Variants in SAMHD1 observed in about 807,000 individuals in gnomAD.
SAMHD1 encodes the protein SAM and HD domain containing deoxynucleoside triphosphate triphosphohydrolase 1.
SAMHD1 carries 54 observed loss-of-function variants against 79.6 expected under a neutral mutation model. The ratio of observed to expected loss-of-function variants is 0.68; its 90% CI spans 0.55 to 0.85. The LOEUF (loss-of-function observed/expected upper bound fraction) is 0.85. Ranked by LOEUF, SAMHD1 falls within the 40% of genes least tolerant of loss-of-function variation. SAMHD1 has a pLI of 0.00. For missense variants in SAMHD1, 663 were observed against 782.7 expected, an observed-to-expected ratio of 0.85 and a Z score of 1.82; for synonymous variants, 260 against 264.1, an observed-to-expected ratio of 0.98 and a Z score of 0.15.
At chr20:36,946,938 A>T (rs1396342750) in intron 1 of SAMHD1, 134 bp from the exon 2 acceptor site, 1 of 607,170 alleles carries the variant, frequency 1.6e-6, no homozygotes, top group Non-Finnish European at 2.9e-6. Flanking sequence ...GCCAAGTACC[A>T]CTTTTTTGAT....
chr20:36,902,544 C>T (rs995752875), intron 13 of SAMHD1, among the ~76,000 whole-genome samples: 5 of 152,076 alleles, frequency 3.3e-5, no homozygotes, highest in African/African-American at 7.2e-5. Flanking sequence ...AGCTTAGTTT[C>T]GTGACCGGAA....
chr20:36,947,870 T>C (rs143433603), intron 1 of SAMHD1, among the ~76,000 whole-genome samples: 24 of 152,196 alleles, frequency 1.6e-4, no homozygotes, highest in Admixed American at 8.5e-4. Flanking sequence ...TGAGGTCTCC[T>C]GATGTTGCCC....
chr20:36,902,508 A>C (rs1377973124), intron 13 of SAMHD1, among the ~76,000 whole-genome samples: 2 of 152,088 alleles, frequency 1.3e-5, no homozygotes, highest in Non-Finnish European at 2.9e-5. Flanking sequence ...GACTGGGAGA[A>C]TCACACTAAG....
intron 9 of SAMHD1, among the ~76,000 whole-genome samples, chr20:36,913,489 G>A: frequency 6.6e-6 from 1 of 151,216 alleles, no homozygotes; most frequent in East Asian, 2.1e-4. Context: ...TGTAATCCCA[G>A]CTACTAGGGA....
chr20:36,899,558 G>A (rs775628919), intron 13 of SAMHD1, among the ~76,000 whole-genome samples: 16 of 152,216 alleles, frequency 1.1e-4, no homozygotes, highest in Non-Finnish European at 1.9e-4. Context: ...GTTCTAACAG[G>A]TTACCTGATG....
intron 2 of SAMHD1, among the ~76,000 whole-genome samples, chr20:36,943,682 T>C (rs1466808354): frequency 1.3e-5 from 2 of 152,136 alleles, no homozygotes; most frequent in Middle Eastern, 3.2e-3. Context: ...AGAAAGACTG[T>C]ATTAGAACAA....
In SAMHD1 at chr20:36,951,632, G is replaced by T. The variant is rs1356766255; in HGVS notation, c.12C>A (p.Ala4=). ...GACGCTTGGAGGGCTGCTCGGAATC[G>T]GCTCGCTGCATGGCTACACCTGGCG... MQR[A]DSEQPSKRPR... is the part of the protein sequence containing the mutation. The change falls in exon 1 of 16, where the codon GCC becomes GCA. Residue 4 remains alanine (A), a synonymous_variant. Transcript: ENST00000646673. The T allele has an allele frequency of 6.2e-7, 1 of 1,613,728 alleles. No individual in the cohort carries two copies. Among genetic ancestry groups the T allele is most frequent in the Non-Finnish European group, 8.5e-7 (1 of 1,179,984 alleles).
intron 11 of SAMHD1, among the ~76,000 whole-genome samples, chr20:36,909,925 TA>T (rs1463791129): frequency 1.3e-5 from 2 of 151,540 alleles, no homozygotes; most frequent in East Asian, 3.9e-4. Context: ...CTACAAAAAT[TA>T]AAAAAATTAC....
Position 36,911,315 on chromosome 20 carries a change from G to T in SAMHD1, c.1173C>A (p.Leu391=). 6.2e-7 allele frequency: 1 copy of T among 1,609,832 alleles called. No individual in the cohort carries two copies. The part of the protein sequence containing the change: ...IIDTMITDAF[L]KADDYIEITG... ...TAATCTCTATGTAGTCATCTGCTTT[G>T]AGGAAAGCATCTGTAATCCTAAAAA... The change falls in exon 11 of 16, where the codon CTC becomes CTA. Residue 391 remains leucine, a synonymous_variant. Coordinates refer to ENST00000646673, the MANE Select transcript of SAMHD1 (RefSeq NM_015474.4).
At chr20:36,945,938 C>A (rs1040303728) in intron 2 of SAMHD1, among the ~76,000 whole-genome samples, 1 of 151,584 alleles carries the variant, frequency 6.6e-6, no homozygotes, top group Admixed American at 6.6e-5. Context: ...TAAAAATAAA[C>A]TAAAATAGGA....
At chr20:36,916,693 T>C (rs1026601122) in intron 9 of SAMHD1, 29 bp downstream of exon 9, 28 of 1,477,380 alleles carry the variant, frequency 1.9e-5, no homozygotes, top group Non-Finnish European at 2.6e-5. Context: ...AACAACATTC[T>C]TCTTATTGCC....
At chr20:36,920,910 C>T (rs546293507) in intron 6 of SAMHD1, among the ~76,000 whole-genome samples, 1 of 151,174 alleles carries the variant, frequency 6.6e-6, no homozygotes, top group African/African-American at 2.4e-5. Flanking sequence ...CAAAGCAAGA[C>T]CCTGTCTCTA....
At chr20:36,920,495 G>C (rs566487305) in intron 6 of SAMHD1, among the ~76,000 whole-genome samples, 7 of 151,782 alleles carry the variant, frequency 4.6e-5, no homozygotes, top group African/African-American at 1.2e-4. Flanking sequence ...GCCTGGGTGC[G>C]GTGGCTCACA....
At chr20:36,947,563 TGTGTGTGTGTG>T (rs2063701814) in intron 1 of SAMHD1, among the ~76,000 whole-genome samples, 1 of 72,992 alleles carries the variant, frequency 1.4e-5, no homozygotes, top group Non-Finnish European at 3.3e-5. Flanking sequence ...TGTGTGTGTG[TGTGTGTGTGTG>T]TGTGTGTGTG....
intron 1 of SAMHD1, chr20:36,947,207 T>C (rs949706919): frequency 1.2e-5 from 3 of 246,082 alleles, no homozygotes; most frequent in African/African-American, 7.0e-5. Flanking sequence ...CTAAGTCTAT[T>C]GTTCTTAGAA....
At position 36,941,108 on chromosome 20, in the gene SAMHD1, G is replaced by A. The variant is rs1352911498; in HGVS notation, c.279C>T (p.Ser93=). The part of the protein sequence containing the change: ...ESRFENLGVS[S]LGERKKLLSY... ...TAAGCAGCTTCTTCCTCTCCCCCAA[G>A]GAACTAAAATTACAATAGGATAAGC... The change falls in exon 3 of 16, where the codon TCC becomes TCT. Residue 93 remains serine (S), a synonymous_variant. Coordinates refer to ENST00000646673, the MANE Select transcript of SAMHD1 (RefSeq NM_015474.4). The A allele has an allele frequency of 1.9e-6, 3 of 1,609,704 alleles. No homozygotes were observed. Among genetic ancestry groups the A allele is most frequent in the South Asian group, 1.1e-5 (1 of 91,000 alleles).
intron 6 of SAMHD1, among the ~76,000 whole-genome samples, 195 bp from the exon 7 acceptor site, chr20:36,919,714 C>T (rs573886861): frequency 6.6e-6 from 1 of 152,106 alleles, no homozygotes; most frequent in African/African-American, 2.4e-5. Flanking sequence ...AGTCTACAAA[C>T]CTTTTACAAA....
rs937509201 is a variant in SAMHD1, at chr20:36,951,673, A to T, written c.-30T>A. On this transcript the variant is annotated 5_prime_UTR_variant, in exon 1 of 16. Transcript: ENST00000646673. ...ACACCTGGCGTCCGGCACAGCAGTC[A>T]AGAACCTCGGCGCCGGACCCGCGCG... is the stretch of plus-strand genomic sequence containing the variant. 7 of 1,611,256 alleles carry T rather than the reference A, an allele frequency of 4.3e-6. No individual in the cohort carries two copies. Among genetic ancestry groups the T allele is most frequent in the Non-Finnish European group, 5.9e-6 (7 of 1,179,884 alleles).
intron 8 of SAMHD1, 28 bp from the exon 9 acceptor site, chr20:36,916,858 A>T: frequency 1.2e-6 from 2 of 1,601,412 alleles, no homozygotes. Flanking sequence ...CAGAGAGATG[A>T]AATTTTTCAA....
Sources: allele counts gnomAD v4.1 joint callset (sites outside exome capture counted in the v4.1 genomes callset), GRCh38; gene constraint gnomAD v4.1.1; transcripts MANE v1.5; gene names NCBI Gene and HGNC (gene_info 2026-07-23, HGNC 2026-07-21).